TXNRD2: variants seen among roughly 807,000 people sequenced by gnomAD.
The protein encoded by TXNRD2 is thioredoxin reductase 2, also known as thioredoxin reductase 2, mitochondrial.
In TXNRD2, 67 loss-of-function variants were observed where a neutral mutation model predicts 70.8. The observed-to-expected ratio is 0.95, with a 90% CI of 0.78 to 1.16. The LOEUF (loss-of-function observed/expected upper bound fraction) is 1.16, where lower values mean the gene tolerates loss of function less well. Among genes scored for constraint, TXNRD2 ranks in the 50% most tolerant of loss-of-function variants. The probability of loss-of-function intolerance (pLI) is 0.00; values close to 1 mark genes in which losing one functional copy is unlikely to be tolerated. For synonymous variants in TXNRD2, 301 were observed against 295.8 expected (o/e 1.02, Z -0.18); for missense variants, 644 against 719.9 (o/e 0.89, Z 1.21).
intron 1 of TXNRD2, chr22:19,933,455 C>T (rs1941438160): frequency 7.8e-7 from 1 of 1,289,728 alleles, no homozygotes; most frequent in Middle Eastern, 2.1e-4. Flanking sequence ...GGTGCCTGTC[C>T]TTCTTGTTGC....
At chr22:19,904,698 C>T (rs969756124) in intron 8 of TXNRD2, among the ~76,000 whole-genome samples, 3 of 152,192 alleles carry the variant, frequency 2.0e-5, no homozygotes, top group Non-Finnish European at 1.5e-5. Flanking sequence ...GCAGAGCCCA[C>T]CGAGGGCCTG....
chr22:19,900,259 C>A (rs80354202), intron 8 of TXNRD2, among the ~76,000 whole-genome samples: 5,888 of 152,220 alleles, frequency 0.039, 411 homozygotes, highest in African/African-American at 0.13. Context: ...AGCAGGATTG[C>A]AGAGATGCAT....
rs960962542 is a variant in TXNRD2 at position 19,877,227 on chromosome 22, C to A, written c.1453G>T (p.Ala485Ser). 2.5e-6 allele frequency: 4 copies of A among 1,610,072 alleles called. No homozygotes were observed. Among genetic ancestry groups the A allele is most frequent in the Non-Finnish European group, 3.4e-6 (4 of 1,177,628 alleles). Residue 485 changes from alanine to serine, a missense_variant, in exon 17 of 18, where the codon GCT (alanine) becomes TCT (serine). By Grantham distance (99) the Ala-to-Ser change is moderately conservative. Around this residue, in one of 3 missense-constraint regions of TXNRD2, gnomAD observed 566 missense variants for 645.0 expected, o/e 0.88. Coordinates refer to ENST00000400521, the MANE Select transcript of TXNRD2 (RefSeq NM_006440.5). The part of the protein sequence containing the change: ...QGFALGIKCG[A>S]SYAQVMRTVG... ...GTCCGCATCACCTGCGCATAGGAAG[C>A]CCCACACCTGCACATGGGGGATGGG... is the stretch of plus-strand genomic sequence containing the variant.
At chr22:19,928,106 T>C (rs1941219287) in intron 2 of TXNRD2, among the ~76,000 whole-genome samples, 1 of 110,314 alleles carries the variant, frequency 9.1e-6, no homozygotes, top group Non-Finnish European at 1.9e-5. Flanking sequence ...CATCTTTCTT[T>C]TTTTTAATAA....
intron 8 of TXNRD2, among the ~76,000 whole-genome samples, chr22:19,904,232 GT>G (rs35681796): frequency 0.049 from 7,490 of 152,264 alleles, 190 homozygotes; most frequent in Non-Finnish European, 0.065. Flanking sequence ...TTTTTCAGGA[GT>G]TTTCTGAGTT....
At chr22:19,889,567 G>GCTC (rs1175215685) in intron 11 of TXNRD2, among the ~76,000 whole-genome samples, 1 of 152,068 alleles carries the variant, frequency 6.6e-6, no homozygotes, top group African/African-American at 2.4e-5. Flanking sequence ...GCCAGATCGC[G>GCTC]CTCCTGCACT....
At chr22:19,900,865 G>A (rs528444983) in intron 8 of TXNRD2, among the ~76,000 whole-genome samples, 2 of 152,366 alleles carry the variant, frequency 1.3e-5, no homozygotes, top group Non-Finnish European at 2.9e-5. Context: ...CCATTGTGTG[G>A]TGCCCTTTGC....
intron 11 of TXNRD2, among the ~76,000 whole-genome samples, chr22:19,889,566 C>T (rs537397909): frequency 1.7e-4 from 26 of 152,194 alleles, no homozygotes; most frequent in East Asian, 1.4e-3. Context: ...AGCCAGATCG[C>T]GCTCCTGCAC....
intron 5 of TXNRD2, 103 bp downstream of exon 5, chr22:19,918,040 C>A: frequency 9.9e-7 from 1 of 1,015,184 alleles, no homozygotes; most frequent in Non-Finnish European, 1.5e-6. Context: ...ACCCCCAGAG[C>A]CTGCCAGAGC....
Position 19,911,364 on chromosome 22 carries a change from G to T in TXNRD2, c.662+13C>A, listed in dbSNP as rs45550336. ...ACAAAAAGAGGACCCCACCAAGCAC[G>T]CGCAGGCCTTACGTTTTTCCAGGGG... On this transcript the variant is annotated intron_variant, in intron 8 of 17. Coordinates refer to ENST00000400521, the MANE Select transcript of TXNRD2 (RefSeq NM_006440.5). The T allele has an allele frequency of 6.2e-7, 1 of 1,610,524 alleles. No individual in the cohort carries two copies. Among genetic ancestry groups the T allele is most frequent in the Non-Finnish European group, 8.5e-7 (1 of 1,176,838 alleles).
In TXNRD2 at chr22:19,934,401, A is replaced by C. The variant is rs1472638639; in HGVS notation, c.104-3303T>G. ...GTCTCAGAAAAAAAAAAAAAAAAAA[A>C]CTGCACCCCTAGTCTGGGTACAGTG... is the stretch of plus-strand genomic sequence containing the variant. On this transcript the variant is annotated intron_variant, in intron 1 of 17. Transcript: ENST00000400521. Among the ~76,000 whole-genome samples, 3 of 148,956 alleles carry C rather than the reference A, an allele frequency of 2.0e-5. No individual in the cohort carries two copies. In the Admixed American group the frequency reaches 2.0e-4, roughly 10 times the overall value.
chr22:19,891,092 C>T (rs1939244666), intron 11 of TXNRD2, among the ~76,000 whole-genome samples: 1 of 152,258 alleles, frequency 6.6e-6, no homozygotes, highest in Non-Finnish European at 1.5e-5. Flanking sequence ...TGTTGTGTTT[C>T]AGGCTCTGAT....
chr22:19,941,778 C>G lies in TXNRD2; in HGVS notation c.26G>C (p.Arg9Pro), dbSNP rs866665461. The G allele has an allele frequency of 9.2e-6, 14 of 1,527,462 alleles. No homozygotes were observed. The highest frequency in any genetic ancestry group is 1.2e-5 in the Non-Finnish European group (14 of 1,147,386). The allele number at this position is 1,527,462 out of a possible 1,614,324, so 94.6% of individuals were successfully genotyped here. ...CCACCGGAAGCGCCCTCCTAATCCC[C>G]GCAGCGCCACCGCCATTGCCGCCAT... MAAMAVAL[R>P]GLGGRFRWRT... Residue 9 changes from arginine (R) to proline (P), a missense_variant, in exon 1 of 18, where the codon CGG (arginine) becomes CCG (proline). By Grantham distance (103) the Arg-to-Pro change is moderately radical. This residue lies in a region of TXNRD2 where 71 missense variants were observed against 53.6 expected (regional missense o/e 1.33). Coordinates refer to ENST00000400521, the MANE Select transcript of TXNRD2 (RefSeq NM_006440.5).
chr22:19,933,672 A>G (rs73880018), intron 1 of TXNRD2: 6,828 of 394,454 alleles, frequency 0.017, 80 homozygotes, highest in African/African-American at 0.037. Context: ...TCTGCCTTTA[A>G]GCACTTGGAA....
intron 8 of TXNRD2, among the ~76,000 whole-genome samples, chr22:19,902,529 C>T (rs943962579): frequency 6.6e-6 from 1 of 152,228 alleles, no homozygotes. Flanking sequence ...AGATGGGCCG[C>T]CAAGCTGCAG....
At chr22:19,880,742 C>T (rs753902303) in intron 12 of TXNRD2, 25 bp from the exon 13 acceptor site, 73 of 1,562,444 alleles carry the variant, frequency 4.7e-5, no homozygotes, top group Non-Finnish European at 6.2e-5. Context: ...AGGGGGGCCA[C>T]GTCAGCACCA....
intron 11 of TXNRD2, among the ~76,000 whole-genome samples, chr22:19,889,512 G>A (rs1007592062): frequency 5.9e-5 from 9 of 152,200 alleles, no homozygotes; most frequent in African/African-American, 1.9e-4. Context: ...TTGGAAGGCT[G>A]AGGCAGGAGA....
At chr22:19,877,315 G>A (rs1938555782) in intron 16 of TXNRD2, 81 bp from the exon 17 acceptor site, 2 of 1,307,062 alleles carry the variant, frequency 1.5e-6, no homozygotes, top group South Asian at 2.5e-5. Flanking sequence ...GGAAGAGGAG[G>A]GCCTCAGAGG....
intron 8 of TXNRD2, among the ~76,000 whole-genome samples, chr22:19,907,602 T>A (rs1157606780): frequency 1.0e-4 from 3 of 29,036 alleles, no homozygotes; most frequent in Non-Finnish European, 1.2e-4. Flanking sequence ...CTCTCAGGAG[T>A]GTGGGCGCCG....
Sources: allele counts gnomAD v4.1 joint callset (sites outside exome capture counted in the v4.1 genomes callset), GRCh38; gene constraint gnomAD v4.1.1; regional missense constraint gnomAD v4.1.1; transcripts MANE v1.5; gene names NCBI Gene and HGNC (gene_info 2026-07-23, HGNC 2026-07-21).